Variants in CFAP54 observed in about 807,000 individuals in gnomAD.
CFAP54 encodes the protein cilia and flagella associated protein 54.
CFAP54 carries 290 observed loss-of-function variants against 370.4 expected under a neutral mutation model. The ratio of observed to expected loss-of-function variants is 0.78; its 90% CI spans 0.71 to 0.86. The LOEUF (loss-of-function observed/expected upper bound fraction) is 0.86. CFAP54 is among the 40% of genes least tolerant of loss of function. The probability of loss-of-function intolerance (pLI) is 0.00; values close to 1 mark genes in which losing one functional copy is unlikely to be tolerated. For synonymous variants in CFAP54, 1,206 were observed against 1,236.5 expected (o/e 0.98, Z 0.52); for missense variants, 3,399 against 3,528.7 (o/e 0.96, Z 0.93).
intron 1 of CFAP54, among the ~76,000 whole-genome samples, chr12:96,497,592 C>T (rs1954970050): frequency 6.6e-6 from 1 of 152,136 alleles, no homozygotes; most frequent in Non-Finnish European, 1.5e-5. Context: ...AGGCGTGACC[C>T]ATGGTCATCA....
At chr12:96,699,640 A>C (rs538799294) in intron 45 of CFAP54, among the ~76,000 whole-genome samples, 1 of 151,238 alleles carries the variant, frequency 6.6e-6, no homozygotes, top group African/African-American at 2.5e-5. Context: ...AATGGGAACA[A>C]AAAAAATCAT....
intron 26 of CFAP54, among the ~76,000 whole-genome samples, chr12:96,615,612 A>G (rs1956407168): frequency 1.3e-5 from 2 of 152,238 alleles, no homozygotes; most frequent in African/African-American, 4.8e-5. Flanking sequence ...CAATCTATCC[A>G]TCTGACAAAG....
chr12:96,571,094 A>G (rs1221325975), intron 19 of CFAP54, among the ~76,000 whole-genome samples: 3 of 152,168 alleles, frequency 2.0e-5, no homozygotes, highest in Non-Finnish European at 2.9e-5. Flanking sequence ...GTCCTGTGAT[A>G]GTTGATTACA....
chr12:96,597,799 T>C (rs929736940), intron 25 of CFAP54, among the ~76,000 whole-genome samples: 2 of 151,826 alleles, frequency 1.3e-5, no homozygotes, highest in African/African-American at 4.8e-5. Context: ...CCCTCCTAGG[T>C]ACATTATGTT....
chr12:96,836,164 C>T (rs1325675074), intron 66 of CFAP54, among the ~76,000 whole-genome samples: 1 of 152,136 alleles, frequency 6.6e-6, no homozygotes, highest in Non-Finnish European at 1.5e-5. Context: ...CTGGGGAGTT[C>T]ACCCAGTGGT....
chr12:96,676,570 G>C (rs1162133345), intron 39 of CFAP54, among the ~76,000 whole-genome samples: 1 of 152,060 alleles, frequency 6.6e-6, no homozygotes, highest in African/African-American at 2.4e-5. Flanking sequence ...TTTTGAGATG[G>C]AGTTTCATTC....
intron 38 of CFAP54, among the ~76,000 whole-genome samples, chr12:96,659,592 A>AT (rs1440404785): frequency 6.6e-6 from 1 of 152,232 alleles, no homozygotes; most frequent in Non-Finnish European, 1.5e-5. Context: ...GTATTTTTCA[A>AT]TGGAGAAATA....
chr12:96,677,823 T>G (rs1452014983), intron 39 of CFAP54, among the ~76,000 whole-genome samples: 2 of 152,120 alleles, frequency 1.3e-5, no homozygotes, highest in Admixed American at 6.5e-5. Flanking sequence ...TTCTGGACAT[T>G]AGGGTATGTT....
chr12:96,726,511 C>T (rs149268167), intron 50 of CFAP54, among the ~76,000 whole-genome samples: 36,591 of 152,006 alleles, frequency 0.24, 4,576 homozygotes, highest in South Asian at 0.29. Context: ...TATGTGGGAT[C>T]GGTGGTGATA....
chr12:96,570,273 C>G (rs543969040), intron 19 of CFAP54, among the ~76,000 whole-genome samples: 1 of 151,958 alleles, frequency 6.6e-6, no homozygotes, highest in African/African-American at 2.4e-5. Flanking sequence ...TGTGCCCAGC[C>G]TCAGCTCTTT....
At chr12:96,618,584 A>G (rs1956449002) in intron 26 of CFAP54, among the ~76,000 whole-genome samples, 1 of 146,458 alleles carries the variant, frequency 6.8e-6, no homozygotes, top group African/African-American at 2.5e-5. Context: ...GGAGATGGGT[A>G]AGGGTGGGTT....
At chr12:96,607,586 C>G (rs815884) in intron 26 of CFAP54, among the ~76,000 whole-genome samples, 104,811 of 151,978 alleles carry the variant, frequency 0.69, 36,275 homozygotes, top group Admixed American at 0.71. Context: ...GAAGTCATAA[C>G]TTGAAAACAA....
intron 25 of CFAP54, among the ~76,000 whole-genome samples, chr12:96,596,030 G>T (rs1444833871): frequency 6.6e-6 from 1 of 152,118 alleles, no homozygotes. Context: ...TTTGAGGAAT[G>T]TCCAGAAAGT....
chr12:96,775,195 C>G lies in CFAP54; in HGVS notation c.8282-9522C>G, dbSNP rs1211299085. 3.9e-5 allele frequency among the ~76,000 whole-genome samples: 6 copies of G among 151,998 alleles called. 1 individual carries two copies. The stretch of plus-strand genomic sequence containing the variant: ...CTGTAATCCTGACGCTTTGGGAAGC[C>G]GAGGTGGGCAAATCATGAGGTCAGG... On this transcript the variant is annotated intron_variant, in intron 60 of 67. Transcript: ENST00000524981.
At position 96,594,426 on chromosome 12, in the gene CFAP54, G is replaced by A; in HGVS notation, c.3496G>A (p.Val1166Ile). 3 of 1,533,172 alleles carry A rather than the reference G, an allele frequency of 2.0e-6. No individual in the cohort carries two copies. The highest frequency in any genetic ancestry group is 2.6e-6 in the Non-Finnish European group (3 of 1,144,816). 95.0% of individuals were successfully genotyped at this position (1,533,172 alleles called of 1,614,324 possible). Residue 1166 changes from valine (V) to isoleucine (I), a missense_variant, in exon 25 of 68, where the codon GTT (valine) becomes ATT (isoleucine). By Grantham distance (29) the Val-to-Ile change is conservative (BLOSUM62 3). Coordinates refer to ENST00000524981, the MANE Select transcript of CFAP54 (RefSeq NM_001306084.2). ...LLAPIIYHNI[V>I]LVPVVQILIK... Reference sequence around the variant, plus strand: ...TGCTCCCATAATTTATCACAATATTGTTTTGGTACCTGTTGTACAGGTAAG... The same window carrying A: ...TGCTCCCATAATTTATCACAATATTATTTTGGTACCTGTTGTACAGGTAAG...
intron 19 of CFAP54, chr12:96,565,105 G>T (rs1235174954): frequency 2.5e-5 from 4 of 159,010 alleles, no homozygotes; most frequent in Non-Finnish European, 2.7e-5. Context: ...AAGTCCATTG[G>T]CTGAGGTACC....
intron 9 of CFAP54, among the ~76,000 whole-genome samples, chr12:96,533,318 T>G (rs540946759): frequency 6.6e-6 from 1 of 152,268 alleles, no homozygotes. Flanking sequence ...GAGTACTCCT[T>G]TCTTTCTAAA....
intron 26 of CFAP54, among the ~76,000 whole-genome samples, chr12:96,613,438 C>A (rs939879173): frequency 6.6e-6 from 1 of 151,872 alleles, no homozygotes; most frequent in Admixed American, 6.6e-5. Flanking sequence ...AAATTGACAC[C>A]CTAGCATCAC....
chr12:96,615,496 G>A (rs7488458), intron 26 of CFAP54, among the ~76,000 whole-genome samples: 56,771 of 151,824 alleles, frequency 0.37, 12,142 homozygotes, highest in Admixed American at 0.48. Context: ...GGCAACAAAA[G>A]CCAAAATTGA....
Sources: allele counts gnomAD v4.1 joint callset (sites outside exome capture counted in the v4.1 genomes callset), GRCh38; gene constraint gnomAD v4.1.1; transcripts MANE v1.5; gene names NCBI Gene and HGNC (gene_info 2026-07-23, HGNC 2026-07-21).